The following RALYL variants were observed in gnomAD, a reference collection of about 807,000 sequenced individuals.
RALYL encodes the protein RNA-binding Raly-like protein.
RALYL carries 29 observed loss-of-function variants against 35.1 expected under a neutral mutation model. The observed-to-expected ratio is 0.83, with a 90% confidence interval of 0.61 to 1.13. The LOEUF (loss-of-function observed/expected upper bound fraction) is 1.13. Ranked by LOEUF, RALYL falls within the 50% of genes most tolerant of loss-of-function variation. The pLI is 0.00. For missense variants in RALYL, 359 were observed against 360.4 expected, an observed-to-expected ratio of 1.00 and a Z score of 0.03; for synonymous variants, 120 against 127.6, an observed-to-expected ratio of 0.94 and a Z score of 0.40.
intron 2 of RALYL, among the ~76,000 whole-genome samples, chr8:84,639,082 C>T (rs984441243): frequency 1.3e-5 from 2 of 149,550 alleles, no homozygotes; most frequent in African/African-American, 4.9e-5. Flanking sequence ...TAAAGGCATG[C>T]AAATGTGCAC....
chr8:84,291,182 G>C (rs541035920), intron 1 of RALYL, among the ~76,000 whole-genome samples: 1 of 152,130 alleles, frequency 6.6e-6, no homozygotes, highest in Non-Finnish European at 1.5e-5. Flanking sequence ...AAAAGAGGAC[G>C]GTGAGACTAA....
chr8:84,401,398 G>A (rs2042875134), intron 1 of RALYL, among the ~76,000 whole-genome samples: 1 of 151,962 alleles, frequency 6.6e-6, no homozygotes, highest in African/African-American at 2.4e-5. Context: ...AGCACTTTGG[G>A]AGGCCGAGGC....
At chr8:84,761,931 C>T (rs1320566896) in intron 2 of RALYL, among the ~76,000 whole-genome samples, 1 of 151,828 alleles carries the variant, frequency 6.6e-6, no homozygotes, top group Non-Finnish European at 1.5e-5. Flanking sequence ...TGACAATTTG[C>T]AATATTAAAT....
chr8:84,725,960 A>T (rs1239980446), intron 2 of RALYL, among the ~76,000 whole-genome samples: 2 of 151,578 alleles, frequency 1.3e-5, no homozygotes, highest in Non-Finnish European at 3.0e-5. Context: ...GAAAACAATT[A>T]TGCTTTATAA....
At chr8:84,604,036 T>G (rs961691558) in intron 2 of RALYL, among the ~76,000 whole-genome samples, 10 of 152,226 alleles carry the variant, frequency 6.6e-5, no homozygotes, top group African/African-American at 2.4e-4. Flanking sequence ...ACCAATGACT[T>G]GAATACTTGA....
intron 2 of RALYL, among the ~76,000 whole-genome samples, chr8:84,759,751 A>G (rs1485729499): frequency 2.0e-5 from 3 of 152,224 alleles, no homozygotes; most frequent in Non-Finnish European, 4.4e-5. Context: ...AGATTCATTT[A>G]TAATTCAGAA....
chr8:84,809,727 G>T (rs1248792493), intron 4 of RALYL, among the ~76,000 whole-genome samples: 13 of 151,972 alleles, frequency 8.6e-5, no homozygotes, highest in South Asian at 2.1e-4. Context: ...TATTTTTTCA[G>T]GAATTTATCC....
intron 2 of RALYL, among the ~76,000 whole-genome samples, chr8:84,644,478 T>C (rs779010358): frequency 6.6e-6 from 1 of 152,034 alleles, no homozygotes; most frequent in Non-Finnish European, 1.5e-5. Flanking sequence ...AAGAAATTAG[T>C]AATTAAAATT....
chr8:84,824,812 G>T (rs1167315787), intron 4 of RALYL, among the ~76,000 whole-genome samples: 1 of 152,140 alleles, frequency 6.6e-6, no homozygotes, highest in Non-Finnish European at 1.5e-5. Context: ...CTAACCATAT[G>T]CAGAAGAATG....
intron 1 of RALYL, among the ~76,000 whole-genome samples, chr8:84,332,331 T>C (rs1247161868): frequency 6.6e-6 from 1 of 152,006 alleles, no homozygotes; most frequent in South Asian, 2.1e-4. Context: ...AAAAAGAAAG[T>C]ACAGAGGACA....
At chr8:84,205,654 A>C (rs1817892385) in intron 1 of RALYL, among the ~76,000 whole-genome samples, 1 of 152,220 alleles carries the variant, frequency 6.6e-6, no homozygotes, top group African/African-American at 2.4e-5. Context: ...TAAAGAGCAC[A>C]AGTGGGAAAT....
In RALYL at chr8:84,614,573, G is replaced by T. The variant is rs187515923; in HGVS notation, c.256+84996G>T. On this transcript the variant is annotated intron_variant, in intron 2 of 8. Transcript: ENST00000521268. ...TTGTATAGATTCTCAGGTATTTAAG[G>T]CTGGAAAGAACCTTAGAAGTGAATT... Among the ~76,000 whole-genome samples, 3 of 151,700 alleles carry T rather than the reference G, an allele frequency of 2.0e-5. 1 individual carries two copies. Among genetic ancestry groups the T allele is most frequent in the East Asian group, 1.9e-4 (1 of 5,168 alleles).
chr8:84,776,233 T>G (rs1816807893), intron 3 of RALYL, among the ~76,000 whole-genome samples: 1 of 152,204 alleles, frequency 6.6e-6, no homozygotes, highest in African/African-American at 2.4e-5. Flanking sequence ...AGCCTCATTT[T>G]TTGAACTCTA....
intron 3 of RALYL, among the ~76,000 whole-genome samples, chr8:84,799,540 C>T (rs6996709): frequency 1.3e-5 from 2 of 152,200 alleles, no homozygotes; most frequent in Non-Finnish European, 2.9e-5. Context: ...TTGGCAACAG[C>T]AACAACAGAA....
intron 2 of RALYL, among the ~76,000 whole-genome samples, chr8:84,600,705 G>A (rs1402561359): frequency 6.6e-6 from 1 of 152,040 alleles, no homozygotes; most frequent in Non-Finnish European, 1.5e-5. Context: ...ATGAGGAGGG[G>A]ATTTTTAAAA....
intron 1 of RALYL, among the ~76,000 whole-genome samples, chr8:84,522,780 T>G (rs1350208791): frequency 1.3e-5 from 2 of 152,170 alleles, no homozygotes; most frequent in Non-Finnish European, 2.9e-5. Context: ...TCTTAGTCAT[T>G]TTTGCCTCCC....
intron 1 of RALYL, among the ~76,000 whole-genome samples, chr8:84,357,350 G>A (rs1852036588): frequency 6.6e-6 from 1 of 152,044 alleles, no homozygotes; most frequent in Non-Finnish European, 1.5e-5. Flanking sequence ...GGCATCTCAT[G>A]CATTCCCACT....
chr8:84,593,904 G>A lies in RALYL; in HGVS notation c.256+64327G>A, dbSNP rs373099749. On this transcript the variant is annotated intron_variant, in intron 2 of 8. Coordinates refer to ENST00000521268, the MANE Select transcript of RALYL (RefSeq NM_173848.7). ...CCATTATATGCACTGCCCTTCCTCA[G>A]AACCTTTCCACCCACTTGTTTATGA... Among the ~76,000 whole-genome samples, 103 of 152,110 alleles carry A rather than the reference G, an allele frequency of 6.8e-4. 1 individual carries two copies. The highest frequency in any genetic ancestry group is 2.4e-3 in the African/African-American group (101 of 41,508).
intron 1 of RALYL, among the ~76,000 whole-genome samples, chr8:84,318,310 G>A (rs2130277573): frequency 6.6e-6 from 1 of 152,274 alleles, no homozygotes; most frequent in Middle Eastern, 3.4e-3. Flanking sequence ...CTCTCAGAAT[G>A]AGGATCTACA....
Sources: gnomAD v4.1 joint callset for allele counts (sites outside exome capture counted in the v4.1 genomes callset) on GRCh38, gnomAD v4.1.1 for gene constraint, MANE v1.5 for transcripts, NCBI Gene and HGNC (gene_info 2026-07-23, HGNC 2026-07-21) for gene names.